Variants in DLGAP2 observed in about 807,000 individuals in gnomAD.
DLGAP2 encodes the protein DLG associated protein 2, also known as disks large-associated protein 2.
DLGAP2 carries 26 observed loss-of-function variants against 100.3 expected under a neutral mutation model. The ratio of observed to expected loss-of-function variants is 0.26; its 90% CI spans 0.19 to 0.36. The LOEUF (loss-of-function observed/expected upper bound fraction) is 0.36, where lower values mean the gene tolerates loss of function less well. Among genes scored for constraint, DLGAP2 ranks in the 10% least tolerant of loss-of-function variants. DLGAP2 has a pLI of 1.00. For synonymous variants in DLGAP2, 886 were observed against 630.1 expected, an observed-to-expected ratio of 1.41 and a Z score of -6.08; for missense variants, 1,858 against 1,453.2, an observed-to-expected ratio of 1.28 and a Z score of -4.53.
chr8:1,681,323 A>G (rs980973761), intron 12 of DLGAP2, among the ~76,000 whole-genome samples: 27 of 147,514 alleles, frequency 1.8e-4, no homozygotes, highest in African/African-American at 5.2e-4. Flanking sequence ...TTTTGAAAAG[A>G]TATCTTTTAA....
rs985240305 is a variant in DLGAP2 at position 894,942 on chromosome 8, C to T, written c.19-12970C>T. Among the ~76,000 whole-genome samples the T allele has an allele frequency of 4.0e-4, 34 of 85,960 alleles. No individual in the cohort carries two copies. In the East Asian group the frequency reaches 0.011, roughly 28 times the overall value. The allele number at this position is 85,960 out of a possible 152,430, so 56.4% of individuals were successfully genotyped here. On this transcript the variant is annotated intron_variant, in intron 1 of 14. Transcript: ENST00000637795. Reference sequence around the variant, plus strand: ...GGAGTGGAGTGGCGGTTGGCAGGGGCGGGGTGGGGAAAGTGGGGTGGCGGA... The same window carrying T: ...GGAGTGGAGTGGCGGTTGGCAGGGGTGGGGTGGGGAAAGTGGGGTGGCGGA...
chr8:1,354,387 C>CTT (rs1427087519), intron 3 of DLGAP2, among the ~76,000 whole-genome samples: 3 of 152,282 alleles, frequency 2.0e-5, no homozygotes, highest in Admixed American at 6.5e-5. Context: ...GTGGTGCGTG[C>CTT]TTGTAGTCCC....
intron 3 of DLGAP2, among the ~76,000 whole-genome samples, chr8:1,442,514 C>T (rs1006774363): frequency 3.4e-5 from 5 of 147,074 alleles, no homozygotes; most frequent in Admixed American, 2.7e-4. Context: ...GGGCATAGAC[C>T]CGCCAGGCTG....
intron 2 of DLGAP2, among the ~76,000 whole-genome samples, chr8:1,153,465 C>T (rs570777239): frequency 2.6e-5 from 4 of 152,240 alleles, no homozygotes; most frequent in African/African-American, 4.8e-5. Context: ...GCTTACCAGT[C>T]GCGTGATTAT....
chr8:1,372,135 C>T (rs1443398638), intron 3 of DLGAP2, among the ~76,000 whole-genome samples: 3 of 152,168 alleles, frequency 2.0e-5, no homozygotes, highest in Non-Finnish European at 2.9e-5. Flanking sequence ...CCTGCAGGCA[C>T]CTACACAGGT....
intron 12 of DLGAP2, chr8:1,679,065 G>C (rs991765112): frequency 6.4e-6 from 1 of 157,132 alleles, no homozygotes; most frequent in African/African-American, 2.4e-5. Context: ...GATTAAGTTA[G>C]TTAACTGTGT....
At chr8:1,211,226 C>T (rs1798098048) in intron 2 of DLGAP2, among the ~76,000 whole-genome samples, 1 of 152,208 alleles carries the variant, frequency 6.6e-6, no homozygotes, top group South Asian at 2.1e-4. Flanking sequence ...CACTTCTGTT[C>T]ATTTCCCAAG....
chr8:1,587,669 A>T (rs183161649), intron 6 of DLGAP2, among the ~76,000 whole-genome samples: 1 of 152,158 alleles, frequency 6.6e-6, no homozygotes, highest in Non-Finnish European at 1.5e-5. Flanking sequence ...TGAAGGAGAG[A>T]TAGGGTTACT....
intron 3 of DLGAP2, among the ~76,000 whole-genome samples, chr8:1,274,384 C>T (rs1202452576): frequency 6.6e-6 from 1 of 152,006 alleles, no homozygotes; most frequent in African/African-American, 2.4e-5. Context: ...AATAAGCCAA[C>T]ATGTATAAGA....
intron 3 of DLGAP2, among the ~76,000 whole-genome samples, chr8:1,459,031 C>G (rs893870648): frequency 6.6e-6 from 1 of 151,434 alleles, no homozygotes; most frequent in Non-Finnish European, 1.5e-5. Context: ...ACAGGAGTGA[C>G]AGCCAGCTGG....
At chr8:1,246,779 T>C (rs1387569257) in intron 2 of DLGAP2, 1 of 151,400 alleles carries the variant, frequency 6.6e-6, no homozygotes, top group East Asian at 1.9e-4. Context: ...CTTGTGTGAG[T>C]CTGATGGCCC....
Position 995,844 on chromosome 8 carries a change from G to A in DLGAP2, c.73+87878G>A, listed in dbSNP as rs183278396. Among the ~76,000 whole-genome samples, 7 of 152,306 alleles carry A rather than the reference G, an allele frequency of 4.6e-5. No homozygotes were observed. In the East Asian group the frequency reaches 7.7e-4, roughly 17 times the overall value. ...GCATAGAGACTTGGGGAAGTGAGAC[G>A]TGTCTCTCCATGGAGGGTTAAGCTT... On this transcript the variant is annotated intron_variant, in intron 2 of 14. Transcript: ENST00000637795.
chr8:1,422,133 C>A (rs1487370864), intron 3 of DLGAP2, among the ~76,000 whole-genome samples: 1 of 152,192 alleles, frequency 6.6e-6, no homozygotes, highest in Non-Finnish European at 1.5e-5. Context: ...AGGACAGCTA[C>A]CCCGTTTCAC....
chr8:1,321,397 A>G (rs1415084894), intron 3 of DLGAP2, among the ~76,000 whole-genome samples: 1 of 146,632 alleles, frequency 6.8e-6, no homozygotes, highest in South Asian at 2.2e-4. Context: ...GTGTCTCTGC[A>G]TGTGTGCATG....
chr8:1,487,034 TA>T (rs1480292835), intron 3 of DLGAP2, among the ~76,000 whole-genome samples: 2 of 152,230 alleles, frequency 1.3e-5, no homozygotes, highest in African/African-American at 4.8e-5. Flanking sequence ...AGGAGCTCTG[TA>T]ACCTGTTAAA....
chr8:1,365,621 A>G (rs940859788), intron 3 of DLGAP2, among the ~76,000 whole-genome samples: 1 of 152,208 alleles, frequency 6.6e-6, no homozygotes, highest in African/African-American at 2.4e-5. Context: ...TCTAGCTATT[A>G]ATGGCATTGA....
At chr8:1,672,268 C>T (rs1798709325) in intron 10 of DLGAP2, among the ~76,000 whole-genome samples, 1 of 149,762 alleles carries the variant, frequency 6.7e-6, no homozygotes, top group Non-Finnish European at 1.5e-5. Flanking sequence ...ACTCTGTTGC[C>T]CAGGCTGAAG....
chr8:1,437,695 C>T (rs4876052), intron 3 of DLGAP2, among the ~76,000 whole-genome samples: 25,690 of 151,106 alleles, frequency 0.17, 2,273 homozygotes, highest in South Asian at 0.25. Flanking sequence ...TATCACCGGC[C>T]GGTGGCTCAT....
intron 1 of DLGAP2, chr8:740,017 G>A (rs1279144430): frequency 6.6e-6 from 1 of 152,198 alleles, no homozygotes; most frequent in African/African-American, 2.4e-5. Context: ...CTGCCTCTGT[G>A]CGCCATTCCT....
Sources: allele counts gnomAD v4.1 joint callset (sites outside exome capture counted in the v4.1 genomes callset), GRCh38; gene constraint gnomAD v4.1.1; transcripts MANE v1.5; gene names NCBI Gene and HGNC (gene_info 2026-07-23, HGNC 2026-07-21).